The following STXBP4 variants were observed in gnomAD, a reference collection of about 807,000 sequenced individuals.
The protein encoded by STXBP4 is syntaxin binding protein 4, also known as syntaxin-binding protein 4.
A neutral mutation model predicts 76.1 loss-of-function variants in STXBP4; 55 were observed. That is an observed-to-expected ratio of 0.72 (90% confidence interval 0.58 to 0.91). The LOEUF is 0.91. STXBP4 is among the 40% of genes least tolerant of loss of function. The probability of loss-of-function intolerance (pLI) is 0.00; values close to 1 mark genes in which losing one functional copy is unlikely to be tolerated. For missense variants in STXBP4, 618 were observed against 636.9 expected (o/e 0.97, Z 0.32); for synonymous variants, 201 against 220.2 (o/e 0.91, Z 0.77).
chr17:55,162,805 G>A lies in STXBP4; in HGVS notation c.*2894G>A, dbSNP rs995754277. The A allele has an allele frequency of 1.2e-4, 18 of 152,166 alleles. No homozygotes were observed. Among genetic ancestry groups the A allele is most frequent in the African/African-American group, 4.3e-4 (18 of 41,444 alleles). 9.4% of individuals were successfully genotyped at this position (152,166 alleles called of 1,614,324 possible). A position where few individuals can be genotyped will look rare whatever the true frequency, so the allele number is the denominator to read the frequency against. On this transcript the variant is annotated 3_prime_UTR_variant, in exon 18 of 18. Transcript: ENST00000376352. ...AAGCAGCTTGGTTTTGACATGTTAT[G>A]TTGTGGTCATCTTTTCATGTCAATA... is the stretch of plus-strand genomic sequence containing the variant.
chr17:55,137,956 T>C (rs2080053194), intron 16 of STXBP4, among the ~76,000 whole-genome samples: 1 of 152,152 alleles, frequency 6.6e-6, no homozygotes, highest in Admixed American at 6.6e-5. Context: ...TAACTTTTTA[T>C]TTCTCTAATT....
intron 17 of STXBP4, among the ~76,000 whole-genome samples, chr17:55,144,599 A>G (rs1452168364): frequency 1.3e-5 from 2 of 152,126 alleles, no homozygotes; most frequent in Non-Finnish European, 2.9e-5. Flanking sequence ...TCCACAAGCC[A>G]CCTTCTTCCC....
chr17:55,031,063 T>G (rs1392896436), intron 8 of STXBP4, 105 bp from the exon 9 acceptor site: 2 of 795,254 alleles, frequency 2.5e-6, no homozygotes, highest in East Asian at 5.4e-5. Flanking sequence ...CCTGGTCGAC[T>G]GTTTCTGGTA....
chr17:55,157,640 A>G (rs1598357034), intron 17 of STXBP4, among the ~76,000 whole-genome samples: 2 of 152,158 alleles, frequency 1.3e-5, no homozygotes, highest in Admixed American at 1.3e-4. Context: ...AACCCTTTTT[A>G]TGCCATAATA....
chr17:54,999,924 G>C (rs1598180991), intron 6 of STXBP4, 82 bp downstream of exon 6: 1 of 917,794 alleles, frequency 1.1e-6, no homozygotes, highest in South Asian at 2.0e-5. Context: ...TGTACATATA[G>C]AATTATTTCA....
chr17:54,992,677 T>C (rs1238035312), intron 4 of STXBP4, among the ~76,000 whole-genome samples: 2 of 150,508 alleles, frequency 1.3e-5, no homozygotes, highest in East Asian at 3.9e-4. Flanking sequence ...TAGATCAGGG[T>C]ACCCAACAAG....
At chr17:55,005,142 G>A (rs1025807340) in intron 7 of STXBP4, among the ~76,000 whole-genome samples, 3 of 152,166 alleles carry the variant, frequency 2.0e-5, no homozygotes, top group Non-Finnish European at 4.4e-5. Flanking sequence ...TCTCTGTGTT[G>A]ATATTAACAA....
In STXBP4 at chr17:55,012,685, T is replaced by C. The variant is rs565205015; in HGVS notation, c.666+5088T>C. ...ATTCTAGTGCCCCAATGAGGGCTAT[T>C]AGTTCTGCCAGCTAAGCACTAGTTC... On this transcript the variant is annotated intron_variant, in intron 8 of 17. Transcript: ENST00000376352. Among the ~76,000 whole-genome samples the C allele has an allele frequency of 2.6e-5, 4 of 152,302 alleles. 1 individual carries two copies. In the South Asian group the frequency reaches 8.3e-4, roughly 32 times the overall value.
chr17:55,173,854 G>A (rs2080418941), downstream of STXBP4, among the ~76,000 whole-genome samples: 1 of 152,166 alleles, frequency 6.6e-6, no homozygotes, highest in African/African-American at 2.4e-5. Context: ...ATTTCTTTCT[G>A]GTGGCCGTCA....
At chr17:55,152,375 C>T (rs1302127390) in intron 17 of STXBP4, among the ~76,000 whole-genome samples, 1 of 152,248 alleles carries the variant, frequency 6.6e-6, no homozygotes, top group Admixed American at 6.5e-5. Context: ...CTGACTCAGG[C>T]TTCATACAAG....
intron 10 of STXBP4, among the ~76,000 whole-genome samples, chr17:55,038,789 T>A (rs2078647121): frequency 6.6e-6 from 1 of 151,780 alleles, no homozygotes; most frequent in Non-Finnish European, 1.5e-5. Flanking sequence ...ATCTTAAAAT[T>A]ATAGAGAGAA....
At chr17:55,152,519 G>A (rs1598353587) in intron 17 of STXBP4, among the ~76,000 whole-genome samples, 2 of 152,178 alleles carry the variant, frequency 1.3e-5, no homozygotes, top group African/African-American at 4.8e-5. Context: ...CTGACTCACA[G>A]TTCCACGTGG....
At chr17:54,981,602 A>G (rs1382330005) in intron 1 of STXBP4, among the ~76,000 whole-genome samples, 1 of 152,184 alleles carries the variant, frequency 6.6e-6, no homozygotes, top group Non-Finnish European at 1.5e-5. Context: ...ATGAAACCAT[A>G]AGAGTACTGG....
intron 4 of STXBP4, among the ~76,000 whole-genome samples, chr17:54,993,017 A>AATGGG (rs1310722434): frequency 1.3e-5 from 2 of 152,058 alleles, no homozygotes; most frequent in African/African-American, 4.8e-5. Flanking sequence ...CTGACCTAAG[A>AATGGG]ATTTGCTTTT....
At chr17:55,080,792 A>G (rs1458327968) in intron 15 of STXBP4, among the ~76,000 whole-genome samples, 1 of 152,168 alleles carries the variant, frequency 6.6e-6, no homozygotes, top group African/African-American at 2.4e-5. Flanking sequence ...GATTTAGGAG[A>G]CAGGTCATCC....
At chr17:55,107,673 C>A (rs1484210054) in intron 16 of STXBP4, among the ~76,000 whole-genome samples, 1 of 152,218 alleles carries the variant, frequency 6.6e-6, no homozygotes, top group African/African-American at 2.4e-5. Context: ...AACAGTCAGG[C>A]CCCTGTGCTG....
chr17:54,983,789 GTCTATA>G (rs1382102157), intron 1 of STXBP4, among the ~76,000 whole-genome samples: 5 of 152,168 alleles, frequency 3.3e-5, no homozygotes, highest in Non-Finnish European at 7.3e-5. Flanking sequence ...CATTAAAGCA[GTCTATA>G]ATGAACTTAT....
intron 3 of STXBP4, among the ~76,000 whole-genome samples, chr17:54,989,507 A>T (rs1223891487): frequency 3.9e-5 from 6 of 152,188 alleles, no homozygotes. Flanking sequence ...ATTACATATC[A>T]CATTTTGCCT....
At chr17:55,058,469 A>T (rs1398562695) in intron 12 of STXBP4, among the ~76,000 whole-genome samples, 4 of 152,196 alleles carry the variant, frequency 2.6e-5, no homozygotes, top group Non-Finnish European at 1.5e-5. Flanking sequence ...GTTTTTTATT[A>T]TCTACCTGAA....
Sources: gnomAD v4.1 joint callset for allele counts (sites outside exome capture counted in the v4.1 genomes callset) on GRCh38, gnomAD v4.1.1 for gene constraint, MANE v1.5 for transcripts, NCBI Gene and HGNC (gene_info 2026-07-23, HGNC 2026-07-21) for gene names.